LRP2: variants seen among roughly 807,000 people sequenced by gnomAD.
LRP2 encodes the protein low-density lipoprotein receptor-related protein 2.
In LRP2, 172 loss-of-function variants were observed where a neutral mutation model predicts 531.0. That is an observed-to-expected ratio of 0.32 (90% CI 0.29 to 0.37). The LOEUF (loss-of-function observed/expected upper bound fraction) is 0.37. LRP2 is among the 10% of genes least tolerant of loss of function. The probability of loss-of-function intolerance (pLI) is 1.00; values close to 1 mark genes in which losing one functional copy is unlikely to be tolerated. For synonymous variants in LRP2, 1,992 were observed against 2,027.6 expected, an observed-to-expected ratio of 0.98 and a Z score of 0.47; for missense variants, 5,167 against 5,868.3, an observed-to-expected ratio of 0.88 and a Z score of 3.90.
chr2:169,271,107 G>A lies in LRP2; in HGVS notation c.2117C>T (p.Ala706Val). 1 of 1,610,072 alleles carries A rather than the reference G, an allele frequency of 6.2e-7. No individual in the cohort carries two copies. Among genetic ancestry groups the A allele is most frequent in the South Asian group, 1.1e-5 (1 of 90,876 alleles). ...QLDTDERHCI[A>V]VQNFLIFSSQ... is the part of the protein sequence containing the mutation. The stretch of plus-strand genomic sequence containing the variant: ...TGAAAAAATGAGGAAATTCTGAACA[G>A]CTGTAGGAAGAATAACACAGCACAG... The change falls in exon 16 of 79, where the codon GCT becomes GTT. Residue 706 changes from alanine to valine, a missense_variant and splice_region_variant. Around this residue, in one of 6 missense-constraint regions of LRP2, gnomAD observed 2,811 missense variants for 3,058.0 expected, o/e 0.92. Coordinates refer to ENST00000649046, the MANE Select transcript of LRP2 (RefSeq NM_004525.3).
chr2:169,280,210 G>C (rs558850016), intron 11 of LRP2, 140 bp downstream of exon 11: 1 of 845,060 alleles, frequency 1.2e-6, no homozygotes, highest in Non-Finnish European at 1.9e-6. Context: ...GCATGGAAAA[G>C]GTGCTGATTA....
At position 169,202,838 on chromosome 2, in the gene LRP2, A is replaced by G; in HGVS notation, c.8127T>C (p.Asn2709=). The change falls in exon 43 of 79, where the codon AAT becomes AAC. Residue 2709 remains asparagine, a synonymous_variant. Coordinates refer to ENST00000649046, the MANE Select transcript of LRP2 (RefSeq NM_004525.3). ...TCCACTCTTCCGAGATGCAGCGCCC[A>G]TTGGAGCAGGTGAAGGAAGATGCAC... is the stretch of plus-strand genomic sequence containing the variant. ...RCGASSFTCS[N]GRCISEEWKC... is the part of the protein sequence containing the mutation. 1.2e-6 allele frequency: 2 copies of G among 1,612,548 alleles called. No individual in the cohort carries two copies. Among genetic ancestry groups the G allele is most frequent in the Non-Finnish European group, 1.7e-6 (2 of 1,179,222 alleles).
At chr2:169,356,022 C>G (rs1685977993) in intron 1 of LRP2, among the ~76,000 whole-genome samples, 1 of 152,184 alleles carries the variant, frequency 6.6e-6, no homozygotes. Context: ...TCCCAAGTAG[C>G]TGGGACCACA....
chr2:169,241,484 C>G lies in LRP2; in HGVS notation c.3668-119G>C, dbSNP rs187372868. On this transcript the variant is annotated intron_variant, in intron 24 of 78. Transcript: ENST00000649046. ...GTAGGTTTATAGTAACAACTATGACCAAATTAATATTTAAGGCTAAATGAT... is the reference window on the plus strand; with the variant it reads ...GTAGGTTTATAGTAACAACTATGACGAAATTAATATTTAAGGCTAAATGAT... 4 of 1,033,290 alleles carry G rather than the reference C, an allele frequency of 3.9e-6. No individual in the cohort carries two copies. In the African/African-American group the frequency reaches 6.3e-5, roughly 16 times the overall value. The allele number at this position is 1,033,290 out of a possible 1,614,324, so 64.0% of individuals were successfully genotyped here. A position where few individuals can be genotyped will look rare whatever the true frequency, so the allele number is the denominator to read the frequency against.
chr2:169,149,565 G>A (rs1485835072), intron 68 of LRP2, among the ~76,000 whole-genome samples: 1 of 152,086 alleles, frequency 6.6e-6, no homozygotes, highest in Admixed American at 6.5e-5. Flanking sequence ...GGCCAGGTGT[G>A]GTGGCTCACA....
intron 67 of LRP2, 45 bp downstream of exon 67, chr2:169,152,754 C>T (rs771012656): frequency 1.2e-6 from 2 of 1,610,822 alleles, no homozygotes; most frequent in South Asian, 2.2e-5. Flanking sequence ...AGAACTCTAA[C>T]CAGGAAAACA....
chr2:169,286,566 T>A (rs952097366), intron 9 of LRP2, among the ~76,000 whole-genome samples: 2 of 152,180 alleles, frequency 1.3e-5, no homozygotes. Flanking sequence ...TATTGAAAAT[T>A]GAAGTGGCCT....
At chr2:169,290,095 G>A (rs928463769) in intron 8 of LRP2, among the ~76,000 whole-genome samples, 7 of 151,896 alleles carry the variant, frequency 4.6e-5, no homozygotes, top group African/African-American at 1.2e-4. Context: ...GTTGTTGGTG[G>A]GGTGAATATT....
At chr2:169,303,929 C>A (rs975866708) in intron 4 of LRP2, among the ~76,000 whole-genome samples, 6 of 152,000 alleles carry the variant, frequency 3.9e-5, no homozygotes, top group Admixed American at 2.6e-4. Context: ...TAAAAAAAAA[C>A]TTGATTAAAA....
chr2:169,179,162 A>G (rs1339748877), intron 52 of LRP2, among the ~76,000 whole-genome samples: 1 of 152,058 alleles, frequency 6.6e-6, no homozygotes, highest in East Asian at 1.9e-4. Context: ...AGGTGCCAGC[A>G]CATCCAGCTA....
At chr2:169,265,992 T>C (rs918105300) in intron 16 of LRP2, among the ~76,000 whole-genome samples, 15 of 151,978 alleles carry the variant, frequency 9.9e-5, no homozygotes, top group Admixed American at 9.8e-4. Context: ...TTGGGGAAAA[T>C]ACATGATTGT....
At chr2:169,198,101 T>C (rs1379100924) in intron 45 of LRP2, among the ~76,000 whole-genome samples, 3 of 152,136 alleles carry the variant, frequency 2.0e-5, no homozygotes, top group Non-Finnish European at 4.4e-5. Context: ...TTCCAACGTA[T>C]CTAGGGGATA....
chr2:169,296,689 T>C (rs544871716), intron 4 of LRP2, among the ~76,000 whole-genome samples: 11 of 152,268 alleles, frequency 7.2e-5, no homozygotes, highest in African/African-American at 2.4e-4. Flanking sequence ...TAATTATAAA[T>C]ATAAAGAATC....
At chr2:169,243,143 T>A (rs779062795) in intron 23 of LRP2, 71 bp from the exon 24 acceptor site, 121 of 1,297,266 alleles carry the variant, frequency 9.3e-5, no homozygotes, top group Non-Finnish European at 1.3e-4. Flanking sequence ...GATTTTTCTT[T>A]TTTGTTGTTA....
At chr2:169,340,894 C>T (rs1248120810) in intron 1 of LRP2, among the ~76,000 whole-genome samples, 2 of 152,164 alleles carry the variant, frequency 1.3e-5, no homozygotes, top group East Asian at 1.9e-4. Flanking sequence ...ACAAAAATTT[C>T]TTGAGTGCAT....
intron 9 of LRP2, among the ~76,000 whole-genome samples, chr2:169,285,825 G>C (rs1683841947): frequency 6.6e-6 from 1 of 152,190 alleles, no homozygotes; most frequent in South Asian, 2.1e-4. Context: ...ATGAATGGTA[G>C]AAAGACACAA....
At position 169,321,430 on chromosome 2, in the gene LRP2, G is replaced by A. The variant is rs142016217; in HGVS notation, c.80-546C>T. On this transcript the variant is annotated intron_variant, in intron 1 of 78. Transcript: ENST00000649046. ...AATTTAATGTAACAAAAACAAGGAC[G>A]TAAATTTTTACTGATAACAGAGTTA... Among the ~76,000 whole-genome samples the A allele has an allele frequency of 4.1e-3, 613 of 149,218 alleles. 1 individual carries two copies. The highest frequency in any genetic ancestry group is 0.014 in the African/African-American group (565 of 40,566).
intron 45 of LRP2, among the ~76,000 whole-genome samples, chr2:169,198,341 G>A (rs1393296869): frequency 6.6e-6 from 1 of 152,132 alleles, no homozygotes; most frequent in Non-Finnish European, 1.5e-5. Flanking sequence ...TTGAGCACAG[G>A]AGGCAGAGGC....
At chr2:169,196,069 T>C (rs953841342) in intron 46 of LRP2, among the ~76,000 whole-genome samples, 4 of 152,198 alleles carry the variant, frequency 2.6e-5, no homozygotes, top group African/African-American at 4.8e-5. Flanking sequence ...TTATAGTCAT[T>C]AAAAGGCAGT....
Sources: gnomAD v4.1 joint callset for allele counts (sites outside exome capture counted in the v4.1 genomes callset) on GRCh38, gnomAD v4.1.1 for gene constraint, gnomAD v4.1.1 regional missense constraint, MANE v1.5 for transcripts, NCBI Gene and HGNC (gene_info 2026-07-23, HGNC 2026-07-21) for gene names.